DNAH7: variants seen among roughly 807,000 people sequenced by gnomAD.
DNAH7 encodes the protein dynein axonemal heavy chain 7.
A neutral mutation model predicts 444.6 loss-of-function variants in DNAH7; 397 were observed. The observed-to-expected ratio is 0.89, with a 90% CI of 0.82 to 0.97. The LOEUF (loss-of-function observed/expected upper bound fraction) is 0.97, where lower values mean the gene tolerates loss of function less well. Among genes scored for constraint, DNAH7 ranks in the 50% least tolerant of loss-of-function variants. DNAH7 has a pLI of 0.00. For synonymous variants in DNAH7, 1,636 were observed against 1,624.4 expected (o/e 1.01, Z -0.17); for missense variants, 4,902 against 4,800.8 (o/e 1.02, Z -0.62).
intron 21 of DNAH7, among the ~76,000 whole-genome samples, chr2:195,930,300 C>T (rs954970463): frequency 8.6e-5 from 13 of 151,956 alleles, no homozygotes; most frequent in Non-Finnish European, 1.3e-4. Context: ...TGAGATTGCA[C>T]CACTGCACTC....
In DNAH7 at chr2:195,969,843, G is replaced by A. The variant is rs905625194; in HGVS notation, c.2205+105C>T. 13 of 1,125,180 alleles carry A rather than the reference G, an allele frequency of 1.2e-5. No homozygotes were observed. In the African/African-American group the frequency reaches 1.8e-4, roughly 15 times the overall value. 69.7% of individuals were successfully genotyped at this position (1,125,180 alleles called of 1,614,324 possible). A position where few individuals can be genotyped will look rare whatever the true frequency, so the allele number is the denominator to read the frequency against. On this transcript the variant is annotated intron_variant, in intron 17 of 64. Coordinates refer to ENST00000312428, the MANE Select transcript of DNAH7 (RefSeq NM_018897.3). ...TTCTATTATCCTCTAATTAAATGTG[G>A]TTACTGTTTTATTTGAATCTACTTC...
rs563057225 is a variant in DNAH7, at chr2:195,888,016, G to T, written c.5406+242C>A. ...CATCAGAAGAAAGAAATAACATTTT[G>T]ACATGGTTATGCGGGCCTTTGAGTT... On this transcript the variant is annotated intron_variant, in intron 33 of 64. Transcript: ENST00000312428. Among the ~76,000 whole-genome samples, 11 of 152,198 alleles carry T rather than the reference G, an allele frequency of 7.2e-5. No homozygotes were observed. The South Asian group carries it at 2.3e-3, about 32-fold the overall frequency.
At chr2:196,041,860 A>G (rs1167157919) in intron 5 of DNAH7, among the ~76,000 whole-genome samples, 1 of 151,692 alleles carries the variant, frequency 6.6e-6, no homozygotes, top group South Asian at 2.1e-4. Flanking sequence ...ACTCAACAAC[A>G]AATAATAATA....
chr2:196,010,301 C>G (rs1294340380), intron 10 of DNAH7, among the ~76,000 whole-genome samples: 1 of 152,050 alleles, frequency 6.6e-6, no homozygotes, highest in African/African-American at 2.4e-5. Flanking sequence ...AGGTGTGCGC[C>G]ACCACACCCT....
intron 39 of DNAH7, 60 bp downstream of exon 39, chr2:195,873,508 T>C: frequency 9.6e-7 from 1 of 1,036,418 alleles, no homozygotes. Context: ...TTAATATTGA[T>C]ATGTTTCTAA....
At chr2:195,915,126 A>G (rs926523938) in intron 24 of DNAH7, among the ~76,000 whole-genome samples, 21 of 152,210 alleles carry the variant, frequency 1.4e-4, no homozygotes, top group Non-Finnish European at 2.9e-4. Flanking sequence ...GTCCATGAAA[A>G]GACTACAATA....
In DNAH7 at chr2:196,012,831, A is replaced by G. The variant is rs756542524; in HGVS notation, c.945T>C (p.Ile315=). ...DALELSSFQN[I]IMRHMDSAKE... The stretch of plus-strand genomic sequence containing the variant: ...TGGCAGAGTCCATGTGTCTCATGAT[A>G]ATGTTCTGAAAACTTGACAGCTCTA... The change falls in exon 10 of 65, where the codon ATT becomes ATC. Residue 315 remains isoleucine (I), a synonymous_variant. Coordinates refer to ENST00000312428, the MANE Select transcript of DNAH7 (RefSeq NM_018897.3). 6.3e-6 allele frequency: 10 copies of G among 1,582,584 alleles called. No homozygotes were observed. The highest frequency in any genetic ancestry group is 7.7e-6 in the Non-Finnish European group (9 of 1,166,058).
chr2:196,046,768 A>C (rs1357143393), intron 5 of DNAH7, among the ~76,000 whole-genome samples: 1 of 135,934 alleles, frequency 7.4e-6, no homozygotes, highest in East Asian at 1.9e-4. Context: ...TACTTACCAC[A>C]ATGGGTCATG....
intron 19 of DNAH7, among the ~76,000 whole-genome samples, chr2:195,939,930 G>A (rs1689309000): frequency 1.3e-5 from 2 of 152,146 alleles, no homozygotes; most frequent in Admixed American, 1.3e-4. Context: ...TCAATATCAT[G>A]AAACTGGCCA....
chr2:195,993,025 A>G (rs1046961160), intron 12 of DNAH7, among the ~76,000 whole-genome samples: 34 of 152,198 alleles, frequency 2.2e-4, no homozygotes, highest in African/African-American at 8.0e-4. Context: ...TTCTCCCTAG[A>G]GGCCTCTCCA....
intron 8 of DNAH7, among the ~76,000 whole-genome samples, chr2:196,023,215 T>G (rs1472959563): frequency 2.6e-5 from 4 of 152,160 alleles, no homozygotes; most frequent in Non-Finnish European, 5.9e-5. Context: ...CCTCTCACTC[T>G]TCATCCTGCT....
intron 56 of DNAH7, 42 bp downstream of exon 56, chr2:195,796,534 T>A: frequency 6.2e-7 from 1 of 1,607,082 alleles, no homozygotes; most frequent in African/African-American, 1.3e-5. Context: ...ACTAATTAGA[T>A]CCAGGGAATG....
intron 63 of DNAH7, among the ~76,000 whole-genome samples, chr2:195,750,451 TATA>T (rs1263810808): frequency 3.9e-5 from 6 of 152,194 alleles, no homozygotes; most frequent in African/African-American, 1.2e-4. Context: ...CTCTGCGTAT[TATA>T]ATAATACAAA....
At chr2:195,874,211 T>C (rs966997594) in intron 38 of DNAH7, among the ~76,000 whole-genome samples, 1 of 152,188 alleles carries the variant, frequency 6.6e-6, no homozygotes, top group Non-Finnish European at 1.5e-5. Context: ...GTTCATATAG[T>C]GACTTCACTG....
intron 58 of DNAH7, among the ~76,000 whole-genome samples, chr2:195,785,829 G>A (rs957188498): frequency 1.3e-5 from 2 of 152,058 alleles, no homozygotes; most frequent in Admixed American, 6.5e-5. Context: ...CTAAATGGAA[G>A]AGCTTCTCAT....
chr2:195,856,412 T>C (rs1699713031), intron 44 of DNAH7, among the ~76,000 whole-genome samples: 1 of 152,180 alleles, frequency 6.6e-6, no homozygotes. Context: ...TAAATACGTA[T>C]GTGGTAATAA....
At chr2:195,942,450 G>A (rs1329073024) in intron 19 of DNAH7, among the ~76,000 whole-genome samples, 1 of 150,308 alleles carries the variant, frequency 6.7e-6, no homozygotes, top group East Asian at 1.9e-4. Flanking sequence ...AGGAGGAAGA[G>A]GAAAAAGGAA....
intron 51 of DNAH7, among the ~76,000 whole-genome samples, chr2:195,815,119 T>TTAAC (rs1228055876): frequency 6.6e-6 from 1 of 151,788 alleles, no homozygotes; most frequent in East Asian, 1.9e-4. Context: ...GCATGTTTAA[T>TTAAC]TAACTAACTT....
chr2:196,045,257 G>A (rs555774180), intron 5 of DNAH7, among the ~76,000 whole-genome samples: 59 of 147,372 alleles, frequency 4.0e-4, no homozygotes, highest in African/African-American at 1.3e-3. Flanking sequence ...AGAAAAAGAA[G>A]AAGGGAAGGG....
Sources: allele counts gnomAD v4.1 joint callset (sites outside exome capture counted in the v4.1 genomes callset), GRCh38; gene constraint gnomAD v4.1.1; transcripts MANE v1.5; gene names NCBI Gene and HGNC (gene_info 2026-07-23, HGNC 2026-07-21).